Variants in SLC37A1 observed in about 807,000 individuals in gnomAD.
The protein encoded by SLC37A1 is solute carrier family 37 member 1.
In SLC37A1, 49 loss-of-function variants were observed where a neutral mutation model predicts 75.3. The observed-to-expected ratio is 0.65, with a 90% CI of 0.52 to 0.83. The LOEUF is 0.83. SLC37A1 is among the 40% of genes least tolerant of loss of function. The probability of loss-of-function intolerance (pLI) is 0.00; values close to 1 mark genes in which losing one functional copy is unlikely to be tolerated. For missense variants in SLC37A1, 566 were observed against 695.0 expected (o/e 0.81, Z 2.09); for synonymous variants, 268 against 292.1 (o/e 0.92, Z 0.84).
chr21:42,540,668 C>T (rs949799844), intron 6 of SLC37A1, among the ~76,000 whole-genome samples: 4 of 152,238 alleles, frequency 2.6e-5, no homozygotes, highest in East Asian at 3.9e-4. Context: ...ATTCAGCAGC[C>T]GAGGGAAGCT....
chr21:42,559,140 G>T (rs2055762884), intron 11 of SLC37A1, 51 bp downstream of exon 11: 1 of 1,577,958 alleles, frequency 6.3e-7, no homozygotes, highest in East Asian at 2.3e-5. Flanking sequence ...TGTGCTGGCT[G>T]TGGGAAGTCT....
At chr21:42,523,734 TC>T (rs2054711114) in intron 2 of SLC37A1, among the ~76,000 whole-genome samples, 1 of 152,210 alleles carries the variant, frequency 6.6e-6, no homozygotes, top group Admixed American at 6.5e-5. Flanking sequence ...GGAAGATAGT[TC>T]CCTGATGAAG....
intron 8 of SLC37A1, 108 bp from the exon 9 acceptor site, chr21:42,546,995 A>C (rs2055424337): frequency 1.2e-5 from 15 of 1,298,050 alleles, no homozygotes; most frequent in Non-Finnish European, 1.6e-5. Context: ...CATACAGTCC[A>C]GTTTCACACC....
intron 6 of SLC37A1, 69 bp from the exon 7 acceptor site, chr21:42,542,335 G>T: frequency 7.1e-7 from 1 of 1,416,206 alleles, no homozygotes; most frequent in South Asian, 1.2e-5. Flanking sequence ...CAAGCTCTGT[G>T]CACCTCCCTG....
At chr21:42,529,296 A>G (rs1409074639) in intron 3 of SLC37A1, among the ~76,000 whole-genome samples, 1 of 152,106 alleles carries the variant, frequency 6.6e-6, no homozygotes, top group African/African-American at 2.4e-5. Context: ...TGGCCCGGGC[A>G]CTGTGGCTCA....
chr21:42,572,792 A>G (rs2056216830), intron 17 of SLC37A1, among the ~76,000 whole-genome samples: 1 of 108,638 alleles, frequency 9.2e-6, no homozygotes, highest in Non-Finnish European at 2.4e-5. Flanking sequence ...AGCTCTGGGA[A>G]TGTTCTTCTC....
chr21:42,559,440 C>T (rs933676673), intron 11 of SLC37A1, among the ~76,000 whole-genome samples: 1 of 152,278 alleles, frequency 6.6e-6, no homozygotes, highest in African/African-American at 2.4e-5. Flanking sequence ...GCCCTGACTA[C>T]TGTGCCACCT....
exon 2 of SLC37A1, chr21:42,502,382 A>G (rs577272026): frequency 6.6e-6 from 1 of 152,004 alleles, no homozygotes; most frequent in South Asian, 2.1e-4. Flanking sequence ...ACTCTCACCA[A>G]AACAGAGTGT....
At chr21:42,557,447 T>C (rs1391311423) in intron 10 of SLC37A1, among the ~76,000 whole-genome samples, 1 of 152,278 alleles carries the variant, frequency 6.6e-6, no homozygotes, top group Non-Finnish European at 1.5e-5. Context: ...GTCGCCATTC[T>C]TTGCTTTCAC....
chr21:42,532,112 C>G (rs2055000235), intron 3 of SLC37A1, among the ~76,000 whole-genome samples: 1 of 152,182 alleles, frequency 6.6e-6, no homozygotes, highest in South Asian at 2.1e-4. Context: ...CCAGAAGCCA[C>G]AGAGAGGCAC....
intron 17 of SLC37A1, among the ~76,000 whole-genome samples, chr21:42,570,069 T>TCTGAGAAGTGGCGGGCAGGGTG: frequency 1.8e-5 from 2 of 111,110 alleles, no homozygotes; most frequent in African/African-American, 1.5e-4. Context: ...GGGTGGCCGT[T>TCTGAGAAGTGGCGGGCAGGGTG]GCCATGTCAT....
At chr21:42,518,870 C>G (rs2054577428) in intron 2 of SLC37A1, among the ~76,000 whole-genome samples, 1 of 152,246 alleles carries the variant, frequency 6.6e-6, no homozygotes, top group Admixed American at 6.5e-5. Context: ...ACTCTGAGAT[C>G]AGATGAGTGG....
intron 17 of SLC37A1, among the ~76,000 whole-genome samples, chr21:42,569,534 TGCCGCACTCCCTC>T (rs1449043893): frequency 4.9e-5 from 1 of 20,524 alleles, no homozygotes; most frequent in East Asian, 3.1e-4. Context: ...CACTCCCTCG[TGCCGCACTCCCTC>T]GTGCCGCACT....
At chr21:42,504,206 G>C (rs1416218720) in intron 2 of SLC37A1, among the ~76,000 whole-genome samples, 1 of 152,102 alleles carries the variant, frequency 6.6e-6, no homozygotes, top group African/African-American at 2.4e-5. Context: ...ATTTAAAGAG[G>C]GTCCCAGAAG....
intron 7 of SLC37A1, 119 bp from the exon 8 acceptor site, chr21:42,543,317 T>C (rs2055327638): frequency 1.8e-6 from 2 of 1,136,654 alleles, no homozygotes; most frequent in East Asian, 2.3e-5. Flanking sequence ...AGGGTCTGCA[T>C]GGCCCCCCGT....
chr21:42,577,465 T>A (rs978275071), intron 18 of SLC37A1, among the ~76,000 whole-genome samples: 14 of 152,218 alleles, frequency 9.2e-5, no homozygotes, highest in African/African-American at 3.4e-4. Flanking sequence ...CAATAATGAC[T>A]AATTTGGGCA....
intron 2 of SLC37A1, among the ~76,000 whole-genome samples, chr21:42,522,965 C>T (rs1330871755): frequency 6.6e-6 from 1 of 152,238 alleles, no homozygotes; most frequent in African/African-American, 2.4e-5. Context: ...TCACCAGGGC[C>T]TGATCACCCA....
intron 5 of SLC37A1, among the ~76,000 whole-genome samples, chr21:42,537,169 C>G (rs767597921): frequency 3.3e-5 from 5 of 152,314 alleles, no homozygotes; most frequent in African/African-American, 1.2e-4. Context: ...GCATAGCTCT[C>G]CCTTTATTGA....
chr21:42,559,892 C>A (rs228092), intron 11 of SLC37A1, among the ~76,000 whole-genome samples: 96,473 of 146,840 alleles, frequency 0.66, 33,455 homozygotes, highest in African/African-American at 0.83. Context: ...AAAAAAAAAC[C>A]CAAAAAGTGC....
Sources: allele counts gnomAD v4.1 joint callset (sites outside exome capture counted in the v4.1 genomes callset), GRCh38; gene constraint gnomAD v4.1.1; transcripts MANE v1.5; gene names NCBI Gene and HGNC (gene_info 2026-07-23, HGNC 2026-07-21).